The following TAMM41 variants were observed in gnomAD, a reference collection of about 807,000 sequenced individuals.
TAMM41 encodes TAM41 mitochondrial translocator assembly and maintenance homolog.
In TAMM41, 36 loss-of-function variants were observed where a neutral mutation model predicts 44.1. The ratio of observed to expected loss-of-function variants is 0.82; its 90% CI spans 0.63 to 1.08. The LOEUF (loss-of-function observed/expected upper bound fraction) is 1.08, where lower values mean the gene tolerates loss of function less well. Ranked by LOEUF, TAMM41 falls within the 50% of genes least tolerant of loss-of-function variation. The pLI is 0.00. For missense variants in TAMM41, 417 were observed against 404.3 expected (o/e 1.03, Z -0.27); for synonymous variants, 164 against 153.1 (o/e 1.07, Z -0.53).
the TAMM41 span, among the ~76,000 whole-genome samples, chr3:11,726,148 G>A: frequency 6.6e-6 from 1 of 152,314 alleles, no homozygotes; most frequent in African/African-American, 2.4e-5. Flanking sequence ...TAACCTGGCT[G>A]TGGAAAATGT....
intron 3 of TAMM41, chr3:11,833,165 A>G (rs1296843242): frequency 1.0e-5 from 13 of 1,284,776 alleles, no homozygotes; most frequent in Middle Eastern, 2.1e-4. Flanking sequence ...GGAAAAAAAG[A>G]AAGTGCTCAG....
At position 11,826,530 on chromosome 3, in the gene TAMM41, C is replaced by CAAA. The variant is rs11388352; in HGVS notation, c.562+3181_562+3183dup. The stretch of plus-strand genomic sequence containing the variant: ...GGCGACAGAGTGAGACCTTGTCTCT[C>CAAA]AAAAAAAAAAAAAAAAAAAAAAAGA... On this transcript the variant is annotated intron_variant, in intron 4 of 7. Transcript: ENST00000455809. Among the ~76,000 whole-genome samples, 224 of 61,882 alleles carry CAAA rather than the reference C, an allele frequency of 3.6e-3. 6 individuals carry two copies. Among genetic ancestry groups the CAAA allele is most frequent in the East Asian group, 6.2e-3 (12 of 1,924 alleles). 40.6% of individuals were successfully genotyped at this position (61,882 alleles called of 152,430 possible).
At chr3:11,779,470 T>G in the TAMM41 span, among the ~76,000 whole-genome samples, 3 of 152,052 alleles carry the variant, frequency 2.0e-5, no homozygotes, top group Non-Finnish European at 4.4e-5. Context: ...AGGCCCTACC[T>G]CCAACACCGA....
At chr3:11,839,535 T>C (rs917669102) in intron 2 of TAMM41, among the ~76,000 whole-genome samples, 5 of 152,026 alleles carry the variant, frequency 3.3e-5, no homozygotes, top group African/African-American at 9.7e-5. Flanking sequence ...TAAGGGGAGG[T>C]TGCAACTGTC....
At chr3:11,813,449 G>C (rs139155850) in intron 5 of TAMM41, among the ~76,000 whole-genome samples, 2 of 152,280 alleles carry the variant, frequency 1.3e-5, no homozygotes, top group East Asian at 3.9e-4. Context: ...AGAATCGCTT[G>C]AACTTGGGAG....
the TAMM41 span, among the ~76,000 whole-genome samples, chr3:11,730,417 CAAAA>C: frequency 3.0e-5 from 3 of 99,222 alleles, no homozygotes; most frequent in Admixed American, 1.2e-4. Flanking sequence ...TACTTCATCT[CAAAA>C]AAAAAAAAAA....
At chr3:11,773,862 G>A in the TAMM41 span, among the ~76,000 whole-genome samples, 1 of 152,186 alleles carries the variant, frequency 6.6e-6, no homozygotes, top group African/African-American at 2.4e-5. Context: ...GCTGAGGTGG[G>A]TGGATCACCT....
At chr3:11,817,092 A>C (rs575474383) in intron 5 of TAMM41, 100 bp downstream of exon 5, 44 of 1,282,970 alleles carry the variant, frequency 3.4e-5, no homozygotes, top group Non-Finnish European at 4.5e-5. Context: ...TTTAAACTAT[A>C]AATGTTCTCA....
chr3:11,758,760 G>A, the TAMM41 span, among the ~76,000 whole-genome samples: 4 of 151,086 alleles, frequency 2.6e-5, no homozygotes, highest in African/African-American at 7.3e-5. Context: ...TGCAACCCCC[G>A]CCTCCCAGGT....
At chr3:11,827,189 T>C (rs1030511300) in intron 4 of TAMM41, among the ~76,000 whole-genome samples, 26 of 152,214 alleles carry the variant, frequency 1.7e-4, no homozygotes, top group African/African-American at 6.0e-4. Context: ...ATAGTTGTAC[T>C]GACATAACAA....
chr3:11,840,612 G>A (rs2079393530), intron 2 of TAMM41, among the ~76,000 whole-genome samples: 1 of 151,666 alleles, frequency 6.6e-6, no homozygotes, highest in Admixed American at 6.6e-5. Flanking sequence ...GAACCCACCA[G>A]GCAATTACAA....
intron 6 of TAMM41, chr3:11,808,844 C>T (rs1237095825): frequency 1.9e-5 from 3 of 155,732 alleles, no homozygotes; most frequent in Non-Finnish European, 2.8e-5. Flanking sequence ...CCTCAGACTC[C>T]CAAGTTAGCT....
At chr3:11,777,004 A>G in the TAMM41 span, among the ~76,000 whole-genome samples, 4 of 152,206 alleles carry the variant, frequency 2.6e-5, no homozygotes, top group Non-Finnish European at 5.9e-5. Flanking sequence ...GTGGAATGGG[A>G]AGATTTTGGT....
the TAMM41 span, among the ~76,000 whole-genome samples, chr3:11,763,011 CG>C: frequency 6.6e-6 from 1 of 152,046 alleles, no homozygotes; most frequent in South Asian, 2.1e-4. Flanking sequence ...GCACTCTAGC[CG>C]GGGCAACAAG....
At position 11,809,700 on chromosome 3, in the gene TAMM41, A is replaced by G. The variant is rs771112336; in HGVS notation, c.709-18T>C. 5.0e-6 allele frequency: 8 copies of G among 1,589,660 alleles called. No individual in the cohort carries two copies. Among genetic ancestry groups the G allele is most frequent in the African/African-American group, 2.7e-5 (2 of 72,980 alleles). On this transcript the variant is annotated intron_variant, in intron 5 of 7. Coordinates refer to ENST00000455809, the MANE Select transcript of TAMM41 (RefSeq NM_001284401.2). ...TTATCTATCTGAAGGGAGGAAAAAA[A>G]AGACGACGTCTATGGAAGTGCTTTA...
At chr3:11,744,386 A>G in the TAMM41 span, among the ~76,000 whole-genome samples, 1 of 152,000 alleles carries the variant, frequency 6.6e-6, no homozygotes, top group Non-Finnish European at 1.5e-5. Flanking sequence ...CACTTCTAAG[A>G]GAAGCACGGT....
chr3:11,758,231 G>A, the TAMM41 span, among the ~76,000 whole-genome samples: 1 of 152,218 alleles, frequency 6.6e-6, no homozygotes, highest in Non-Finnish European at 1.5e-5. Flanking sequence ...ACACAATGCT[G>A]GAGGCCGAAG....
At chr3:11,777,451 C>T in the TAMM41 span, among the ~76,000 whole-genome samples, 6 of 152,170 alleles carry the variant, frequency 3.9e-5, no homozygotes, top group African/African-American at 9.7e-5. Context: ...TTTCTAACAG[C>T]TTCGTTGAGA....
chr3:11,750,058 GGCT>G, the TAMM41 span, among the ~76,000 whole-genome samples: 10 of 151,608 alleles, frequency 6.6e-5, no homozygotes, highest in East Asian at 2.0e-3. Flanking sequence ...CACCACGCCC[GGCT>G]AATTTTTTGT....
Sources: gnomAD v4.1 joint callset for allele counts (sites outside exome capture counted in the v4.1 genomes callset) on GRCh38, gnomAD v4.1.1 for gene constraint, MANE v1.5 for transcripts, NCBI Gene and HGNC (gene_info 2026-07-23, HGNC 2026-07-21) for gene names.